The following TUSC3 variants were observed in gnomAD, a reference collection of about 807,000 sequenced individuals.
The protein encoded by TUSC3 is dolichyl-diphosphooligosaccharide--protein glycosyltransferase subunit TUSC3.
TUSC3 carries 45 observed loss-of-function variants against 44.8 expected under a neutral mutation model. The observed-to-expected ratio is 1.00, with a 90% CI of 0.79 to 1.29. The LOEUF is 1.29. TUSC3 is among the 50% of genes most tolerant of loss of function. TUSC3 has a pLI of 0.00. For synonymous variants in TUSC3, 212 were observed against 152.9 expected (o/e 1.39, Z -2.85); for missense variants, 519 against 437.9 (o/e 1.19, Z -1.65).
chr8:15,543,050 G>C (rs561379821), intron 1 of TUSC3, among the ~76,000 whole-genome samples: 1 of 152,270 alleles, frequency 6.6e-6, no homozygotes, highest in East Asian at 1.9e-4. Flanking sequence ...TCCAATATTG[G>C]AAGGGAAACA....
intron 1 of TUSC3, among the ~76,000 whole-genome samples, chr8:15,418,362 A>G (rs1799687188): frequency 1.3e-5 from 2 of 152,150 alleles, no homozygotes; most frequent in African/African-American, 4.8e-5. Flanking sequence ...ATTTTTTTTC[A>G]AACAAAATCA....
At chr8:15,779,112 TTTTTTTC>T in the TUSC3 span, among the ~76,000 whole-genome samples, 8 of 118,158 alleles carry the variant, frequency 6.8e-5, no homozygotes, top group African/African-American at 1.7e-4. Context: ...TTTTTTTTTT[TTTTTTTC>T]CACGTTACTT....
chr8:15,648,717 C>T (rs934370234), intron 2 of TUSC3, among the ~76,000 whole-genome samples: 10 of 41,132 alleles, frequency 2.4e-4, no homozygotes, highest in African/African-American at 7.3e-4. Flanking sequence ...CAGAGCAAGA[C>T]TCTGTGTCAA....
chr8:15,439,164 A>T (rs983758590), intron 1 of TUSC3, among the ~76,000 whole-genome samples: 7 of 152,198 alleles, frequency 4.6e-5, no homozygotes, highest in African/African-American at 1.7e-4. Context: ...CCTCTGACCT[A>T]TCACAATTGC....
At chr8:15,611,606 T>C (rs1804763840) in intron 1 of TUSC3, among the ~76,000 whole-genome samples, 1 of 152,210 alleles carries the variant, frequency 6.6e-6, no homozygotes, top group African/African-American at 2.4e-5. Context: ...ATTTTTGCTT[T>C]CTTTATGGCG....
chr8:15,478,149 G>T (rs928886685), intron 1 of TUSC3, among the ~76,000 whole-genome samples: 5 of 151,984 alleles, frequency 3.3e-5, no homozygotes, highest in Middle Eastern at 3.4e-3. Flanking sequence ...TAGAGACGGG[G>T]TTTCTACTAA....
chr8:15,798,686 T>G, the TUSC3 span, among the ~76,000 whole-genome samples: 13 of 152,046 alleles, frequency 8.6e-5, no homozygotes, highest in African/African-American at 3.1e-4. Context: ...AAGAACCCTA[T>G]AACTCATCAG....
At chr8:15,496,319 G>A (rs755073362) in intron 2 of TUSC3, among the ~76,000 whole-genome samples, 8 of 152,186 alleles carry the variant, frequency 5.3e-5, no homozygotes, top group Non-Finnish European at 1.2e-4. Context: ...GTTTCACTTA[G>A]TGTAGGCTAT....
chr8:15,841,999 C>T, the TUSC3 span, among the ~76,000 whole-genome samples: 3 of 152,152 alleles, frequency 2.0e-5, no homozygotes, highest in Non-Finnish European at 4.4e-5. Flanking sequence ...TTGAATTAAA[C>T]ATAACCTATA....
rs189755406 is a variant in TUSC3 at position 15,611,832 on chromosome 8, G to A, written c.139-11248G>A. Among the ~76,000 whole-genome samples the A allele has an allele frequency of 1.5e-4, 23 of 152,166 alleles. No homozygotes were observed. In the East Asian group the frequency reaches 3.5e-3, roughly 23 times the overall value. Reference sequence around the variant, plus strand: ...CTTTATATATTTTTAAATCTGTTAAGTATGACATAATATTAAGAAATATGA... The same window carrying A: ...CTTTATATATTTTTAAATCTGTTAAATATGACATAATATTAAGAAATATGA... On this transcript the variant is annotated intron_variant, in intron 1 of 10. Coordinates refer to ENST00000503731, the MANE Select transcript of TUSC3 (RefSeq NM_006765.4).
chr8:15,784,713 C>A, the TUSC3 span, among the ~76,000 whole-genome samples: 2 of 151,996 alleles, frequency 1.3e-5, no homozygotes, highest in Non-Finnish European at 1.5e-5. Flanking sequence ...ACAGAAGAGT[C>A]AAACCCATCG....
At chr8:15,836,625 C>G in the TUSC3 span, among the ~76,000 whole-genome samples, 1 of 151,938 alleles carries the variant, frequency 6.6e-6, no homozygotes, top group Non-Finnish European at 1.5e-5. Flanking sequence ...GACTGTAAAC[C>G]TTTACAATTC....
the TUSC3 span, among the ~76,000 whole-genome samples, chr8:15,843,621 T>TATACACACAC: frequency 1.9e-4 from 28 of 146,768 alleles, 1 homozygote; most frequent in East Asian, 5.9e-4. Context: ...TATATATATA[T>TATACACACAC]ACACGCACAT....
chr8:15,507,377 G>GT (rs202010942), intron 2 of TUSC3, among the ~76,000 whole-genome samples: 1,529 of 152,178 alleles, frequency 0.01, 24 homozygotes, highest in African/African-American at 0.034. Flanking sequence ...TCCCTTTATA[G>GT]TTCATGCCTT....
chr8:15,577,894 T>G (rs535411440), intron 1 of TUSC3, among the ~76,000 whole-genome samples: 1 of 150,870 alleles, frequency 6.6e-6, no homozygotes, highest in African/African-American at 2.5e-5. Context: ...AATCTGTAAA[T>G]TACCTTGGGC....
intron 1 of TUSC3, among the ~76,000 whole-genome samples, chr8:15,591,082 G>A (rs931305488): frequency 6.6e-6 from 1 of 152,108 alleles, no homozygotes; most frequent in Non-Finnish European, 1.5e-5. Flanking sequence ...ATAGGAGGTG[G>A]TGAACAAATG....
intron 1 of TUSC3, among the ~76,000 whole-genome samples, chr8:15,427,430 T>C (rs1017426286): frequency 6.6e-6 from 1 of 151,840 alleles, no homozygotes; most frequent in Non-Finnish European, 1.5e-5. Context: ...CAGTCTCCAA[T>C]AGAAAACACC....
rs554269834 is a variant in TUSC3, at chr8:15,562,961, C to T, written c.138+22393C>T. On this transcript the variant is annotated intron_variant, in intron 1 of 10. Coordinates refer to ENST00000503731, the MANE Select transcript of TUSC3 (RefSeq NM_006765.4). ...ATATAAGGTAACATAATTGTGGGAG[C>T]GCTGTTCTGCTATATCACAGGTCTT... 2.1e-4 allele frequency among the ~76,000 whole-genome samples: 32 copies of T among 151,994 alleles called. 1 individual carries two copies. The highest frequency in any genetic ancestry group is 1.6e-3 in the East Asian group (8 of 5,160).
the TUSC3 span, among the ~76,000 whole-genome samples, chr8:15,786,468 T>C: frequency 6.6e-6 from 1 of 152,082 alleles, no homozygotes; most frequent in African/African-American, 2.4e-5. Flanking sequence ...AGTAAGAAAA[T>C]TGAGAATTCT....
Sources: allele counts gnomAD v4.1 joint callset (sites outside exome capture counted in the v4.1 genomes callset), GRCh38; gene constraint gnomAD v4.1.1; transcripts MANE v1.5; gene names NCBI Gene and HGNC (gene_info 2026-07-23, HGNC 2026-07-21).